LPCAT2: variants seen among roughly 807,000 people sequenced by gnomAD.
The protein encoded by LPCAT2 is 1-AGP acyltransferase 11.
A neutral mutation model predicts 64.7 loss-of-function variants in LPCAT2; 58 were observed. The observed-to-expected ratio is 0.90, with a 90% CI of 0.73 to 1.12. The LOEUF (loss-of-function observed/expected upper bound fraction) is 1.12, where lower values mean the gene tolerates loss of function less well. Ranked by LOEUF, LPCAT2 falls within the 50% of genes most tolerant of loss-of-function variation. LPCAT2 has a pLI of 0.00. For synonymous variants in LPCAT2, 252 were observed against 245.3 expected (o/e 1.03, Z -0.26); for missense variants, 579 against 669.8 (o/e 0.86, Z 1.50).
At chr16:55,571,596 A>G (rs1963770782) in intron 11 of LPCAT2, among the ~76,000 whole-genome samples, 1 of 152,146 alleles carries the variant, frequency 6.6e-6, no homozygotes. Context: ...TCTCCTTTGA[A>G]ATGTGGCCCT....
At position 55,548,229 on chromosome 16, in the gene LPCAT2, C is replaced by CTT. The variant is rs5817017; in HGVS notation, c.936-1040_936-1039dup. 2.2e-3 allele frequency among the ~76,000 whole-genome samples: 335 copies of CTT among 150,918 alleles called. 5 individuals carry two copies. Among genetic ancestry groups the CTT allele is most frequent in the African/African-American group, 7.8e-3 (323 of 41,236 alleles). Reference sequence around the variant, plus strand: ...GGAATGTTTATCTCATGTACTGCACCTTTTTTTTTGGTATTCGGTGTTTTT... The same window carrying CTT: ...GGAATGTTTATCTCATGTACTGCACCTTTTTTTTTTTGGTATTCGGTGTTTTT... On this transcript the variant is annotated intron_variant, in intron 9 of 13. Coordinates refer to ENST00000262134, the MANE Select transcript of LPCAT2 (RefSeq NM_017839.5).
chr16:55,524,647 C>A (rs1558664), intron 1 of LPCAT2, among the ~76,000 whole-genome samples: 78,271 of 151,634 alleles, frequency 0.52, 20,422 homozygotes, highest in Non-Finnish European at 0.55. Flanking sequence ...GCAGAGACAG[C>A]AAAAGAAGCC....
At chr16:55,552,122 C>T (rs1254543241) in intron 11 of LPCAT2, among the ~76,000 whole-genome samples, 4 of 152,062 alleles carry the variant, frequency 2.6e-5, no homozygotes, top group Non-Finnish European at 5.9e-5. Context: ...GTTTTAAGTC[C>T]TGGCAGCCAG....
chr16:55,533,110 T>G (rs113535410), intron 6 of LPCAT2, among the ~76,000 whole-genome samples: 102 of 152,290 alleles, frequency 6.7e-4, no homozygotes, highest in African/African-American at 2.3e-3. Flanking sequence ...TTCAGGAAGA[T>G]ATTTTCTTAG....
In LPCAT2 at chr16:55,525,498, T is replaced by G; in HGVS notation, c.172-10T>G. 6.3e-6 allele frequency: 10 copies of G among 1,599,592 alleles called. No individual in the cohort carries two copies. The highest frequency in any genetic ancestry group is 8.5e-6 in the Non-Finnish European group (10 of 1,174,212). ...TCCATTCATTTATTTTTACCAACTTTGACTTTCAGATTGTCCTTCTTGGGA... is the reference window on the plus strand; with the variant it reads ...TCCATTCATTTATTTTTACCAACTTGGACTTTCAGATTGTCCTTCTTGGGA... On this transcript the variant is annotated splice_polypyrimidine_tract_variant and intron_variant, in intron 1 of 13. Transcript: ENST00000262134.
At chr16:55,554,459 G>C (rs545271491) in intron 11 of LPCAT2, among the ~76,000 whole-genome samples, 1 of 152,248 alleles carries the variant, frequency 6.6e-6, no homozygotes, top group Non-Finnish European at 1.5e-5. Flanking sequence ...CTTTTCTTCT[G>C]CAGCTCCCTC....
chr16:55,580,641 T>C (rs1399688064), intron 13 of LPCAT2, among the ~76,000 whole-genome samples: 2 of 152,218 alleles, frequency 1.3e-5, no homozygotes, highest in African/African-American at 2.4e-5. Flanking sequence ...ATGTCATGAA[T>C]GTGACCATTT....
intron 11 of LPCAT2, among the ~76,000 whole-genome samples, chr16:55,563,633 A>G (rs1201722484): frequency 2.0e-5 from 3 of 151,986 alleles, no homozygotes; most frequent in African/African-American, 7.2e-5. Flanking sequence ...GATGCAGAAA[A>G]TGCATTTGAC....
chr16:55,549,957 C>G (rs1449379378), intron 10 of LPCAT2, among the ~76,000 whole-genome samples: 1 of 152,114 alleles, frequency 6.6e-6, no homozygotes, highest in Non-Finnish European at 1.5e-5. Flanking sequence ...AGGTGTAACC[C>G]TCAACCTCCC....
At position 55,551,314 on chromosome 16, in the gene LPCAT2, TAATAA is replaced by T. The variant is rs1426361914; in HGVS notation, c.1215+217_1215+221del. On this transcript the variant is annotated intron_variant, in intron 11 of 13. Coordinates refer to ENST00000262134, the MANE Select transcript of LPCAT2 (RefSeq NM_017839.5). Reference sequence around the variant, plus strand: ...GTAACATTTATTATACTGTCATATATAATAAAATATCATATCATATCATATCATAT... The same window carrying T: ...GTAACATTTATTATACTGTCATATATAATATCATATCATATCATATCATAT... 31 of 165,368 alleles carry T rather than the reference TAATAA, an allele frequency of 1.9e-4. 1 individual carries two copies. The highest frequency in any genetic ancestry group is 1.1e-4 in the Non-Finnish European group (9 of 85,552). The allele number at this position is 165,368 out of a possible 1,614,324, so 10.2% of individuals were successfully genotyped here. A position where few individuals can be genotyped will look rare whatever the true frequency, so the allele number is the denominator to read the frequency against.
rs1172165219 is a variant in LPCAT2, at chr16:55,528,569, G to A, written c.504G>A (p.Glu168=). ...TACCTTCTATGGTATCTCGAAATGA[G>A]AATGCACAAGTCCCTCTGATTGGCA... is the stretch of plus-strand genomic sequence containing the variant. The part of the protein sequence containing the change: ...AGLPSMVSRN[E]NAQVPLIGRL... Residue 168 remains glutamate, a synonymous_variant, in exon 3 of 14, where the codon GAG becomes GAA. Transcript: ENST00000262134. 6.2e-6 allele frequency: 10 copies of A among 1,613,324 alleles called. No homozygotes were observed. The highest frequency in any genetic ancestry group is 7.6e-6 in the Non-Finnish European group (9 of 1,179,428).
chr16:55,554,537 A>T (rs1485905401), intron 11 of LPCAT2, among the ~76,000 whole-genome samples: 1 of 152,210 alleles, frequency 6.6e-6, no homozygotes. Flanking sequence ...GGCTTAACAA[A>T]ATGTTGTGGC....
chr16:55,561,054 A>G (rs761789765), intron 11 of LPCAT2, among the ~76,000 whole-genome samples: 1 of 152,014 alleles, frequency 6.6e-6, no homozygotes, highest in Admixed American at 6.6e-5. Flanking sequence ...TGGACATTTT[A>G]TATAAATGGA....
chr16:55,538,911 T>A (rs1384666344), intron 8 of LPCAT2: 1 of 152,126 alleles, frequency 6.6e-6, no homozygotes, highest in Non-Finnish European at 1.5e-5. Context: ...CAGGAAGCCT[T>A]ATATCATAAT....
chr16:55,553,722 G>A lies in LPCAT2; in HGVS notation c.1215+2620G>A, dbSNP rs533177259. Among the ~76,000 whole-genome samples the A allele has an allele frequency of 2.5e-4, 38 of 152,300 alleles. No individual in the cohort carries two copies. The East Asian group carries it at 7.1e-3, about 29-fold the overall frequency. On this transcript the variant is annotated intron_variant, in intron 11 of 13. Coordinates refer to ENST00000262134, the MANE Select transcript of LPCAT2 (RefSeq NM_017839.5). The stretch of plus-strand genomic sequence containing the variant: ...CTAGAATGGTGAATCTTTTCCAAAA[G>A]GTTTTCAATTTACTTTGCCCAAATC...
chr16:55,528,310 ATAGAG>A, intron 2 of LPCAT2, 62 bp from the exon 3 acceptor site: 1 of 1,245,948 alleles, frequency 8.0e-7, no homozygotes, highest in Non-Finnish European at 1.1e-6. Context: ...TTATTGTATT[ATAGAG>A]TAAAACCCTG....
intron 1 of LPCAT2, among the ~76,000 whole-genome samples, chr16:55,514,889 A>AT (rs1336317337): frequency 1.2e-3 from 129 of 105,792 alleles, no homozygotes; most frequent in Non-Finnish European, 1.8e-3. Flanking sequence ...GATGCAATGC[A>AT]TTGTGTGTGT....
chr16:55,548,642 C>T (rs976215422), intron 9 of LPCAT2, among the ~76,000 whole-genome samples: 3 of 152,144 alleles, frequency 2.0e-5, no homozygotes, highest in Non-Finnish European at 4.4e-5. Flanking sequence ...CCTGTCTTAG[C>T]CTCCTGAGTA....
chr16:55,528,943 T>C (rs370087406), intron 3 of LPCAT2, among the ~76,000 whole-genome samples: 2 of 152,170 alleles, frequency 1.3e-5, no homozygotes, highest in Non-Finnish European at 2.9e-5. Context: ...CACAGGTATA[T>C]GCTGTTTGAT....
Sources: allele counts gnomAD v4.1 joint callset (sites outside exome capture counted in the v4.1 genomes callset), GRCh38; gene constraint gnomAD v4.1.1; transcripts MANE v1.5; gene names NCBI Gene and HGNC (gene_info 2026-07-23, HGNC 2026-07-21).